OBI1: variants seen among roughly 807,000 people sequenced by gnomAD.
OBI1 encodes the protein ring finger protein 219.
OBI1 carries 59 observed loss-of-function variants against 62.4 expected under a neutral mutation model. That is an observed-to-expected ratio of 0.95 (90% CI 0.77 to 1.17). The LOEUF is 1.17. Ranked by LOEUF, OBI1 falls within the 50% of genes most tolerant of loss-of-function variation. The pLI, the probability that OBI1 is intolerant of heterozygous loss-of-function variation, is 0.00. For synonymous variants in OBI1, 302 were observed against 292.8 expected (o/e 1.03, Z -0.32); for missense variants, 875 against 830.9 (o/e 1.05, Z -0.65).
chr13:78,616,194 T>C lies in OBI1; in HGVS notation c.1567A>G (p.Arg523Gly), dbSNP rs750909505. 2 of 1,614,050 alleles carry C rather than the reference T, an allele frequency of 1.2e-6. No homozygotes were observed. Among genetic ancestry groups the C allele is most frequent in the Non-Finnish European group, 1.7e-6 (2 of 1,180,030 alleles). Residue 523 changes from arginine (R) to glycine (G), a missense_variant, in exon 6 of 6, where the codon AGA becomes GGA. Transcript: ENST00000282003. ...TCCATCGATGCTTCACTGGATGTTC[T>C]TGTCCGGTTCATTTCAAAAGAGCGA... Reference protein sequence around the residue: ...SIRSFEMNRTRTSSEASMDAA... With the variant: ...SIRSFEMNRTGTSSEASMDAA...
rs765810130 is a variant in OBI1 at position 78,639,068 on chromosome 13, C to T, written c.304G>A (p.Glu102Lys). ...LELLHKEYEDEIDCLQKEVEE... is the reference protein window; with the variant it reads ...LELLHKEYEDKIDCLQKEVEE... Reference sequence around the variant, plus strand: ...ACTTCTTTCTGTAAACAATCTATTTCGTCCTGAAAAAGCATTGCATAGTCA... The same window carrying T: ...ACTTCTTTCTGTAAACAATCTATTTTGTCCTGAAAAAGCATTGCATAGTCA... Residue 102 changes from glutamate (E) to lysine (K), a missense_variant, in exon 4 of 6, where the codon GAA becomes AAA. Coordinates refer to ENST00000282003, the MANE Select transcript of OBI1 (RefSeq NM_024546.4). The T allele has an allele frequency of 2.1e-5, 34 of 1,611,282 alleles. No individual in the cohort carries two copies. Among genetic ancestry groups the T allele is most frequent in the Middle Eastern group, 1.6e-4 (1 of 6,070 alleles).
At position 78,644,871 on chromosome 13, in the gene OBI1, C is replaced by A. The variant is rs1477037816; in HGVS notation, c.199G>T (p.Glu67Ter). The A allele has an allele frequency of 2.5e-6, 4 of 1,613,960 alleles. No homozygotes were observed. Among genetic ancestry groups the A allele is most frequent in the Non-Finnish European group, 3.4e-6 (4 of 1,179,892 alleles). ...TAAAACAGGCCCTTACCTATAATTTCTTTGCAAGGATTTTCAGGAGTGATG... is the reference window on the plus strand; with the variant it reads ...TAAAACAGGCCCTTACCTATAATTTATTTGCAAGGATTTTCAGGAGTGATG... ...VPITPENPCKEIIGGTSESEP... is the reference protein window; with the variant it reads ...VPITPENPCK Residue 67 changes from glutamate to a stop codon, truncating the protein, a stop_gained, in exon 2 of 6, where the codon GAA (glutamate) becomes TAA (stop). Transcript: ENST00000282003. LOFTEE classifies it high-confidence loss of function.
intron 2 of OBI1, among the ~76,000 whole-genome samples, chr13:78,642,418 C>G (rs1367616223): frequency 6.6e-6 from 1 of 152,072 alleles, no homozygotes; most frequent in Non-Finnish European, 1.5e-5. Flanking sequence ...TAAGAAATAC[C>G]TTCAGTAACA....
chr13:78,656,643 T>C (rs1174157018), intron 1 of OBI1, among the ~76,000 whole-genome samples: 1 of 129,730 alleles, frequency 7.7e-6, no homozygotes, highest in Non-Finnish European at 1.6e-5. Flanking sequence ...GTATGAGTGG[T>C]AAGTGGTAGA....
Position 78,645,388 on chromosome 13 carries a change from C to A in OBI1, c.73-391G>T, listed in dbSNP as rs183454709. On this transcript the variant is annotated intron_variant, in intron 1 of 5. Coordinates refer to ENST00000282003, the MANE Select transcript of OBI1 (RefSeq NM_024546.4). Reference sequence around the variant, plus strand: ...AATATCATTTAGCACAATCATCCATCTGATGCCCGAATCCTTTTCTCAATT... The same window carrying A: ...AATATCATTTAGCACAATCATCCATATGATGCCCGAATCCTTTTCTCAATT... Among the ~76,000 whole-genome samples the A allele has an allele frequency of 3.2e-3, 486 of 152,340 alleles. 2 individuals carry two copies. Among genetic ancestry groups the A allele is most frequent in the Non-Finnish European group, 4.5e-3 (309 of 68,028 alleles).
rs1434085221 is a variant in OBI1, at chr13:78,615,548, G to C, written c.*32C>G. The C allele has an allele frequency of 1.3e-6, 2 of 1,488,616 alleles. No individual in the cohort carries two copies. Among genetic ancestry groups the C allele is most frequent in the Admixed American group, 2.2e-5 (1 of 45,984 alleles). The allele number at this position is 1,488,616 out of a possible 1,614,324, so 92.2% of individuals were successfully genotyped here. ...TTAACAACTTTTCTATTTCTCTCAG[G>C]ACAAAACCACAAATGACACCTTTCT... On this transcript the variant is annotated 3_prime_UTR_variant, in exon 6 of 6. Transcript: ENST00000282003.
intron 5 of OBI1, among the ~76,000 whole-genome samples, chr13:78,619,871 C>T (rs769312550): frequency 1.2e-4 from 19 of 152,144 alleles, no homozygotes; most frequent in Non-Finnish European, 1.9e-4. Context: ...AGGGTTGACA[C>T]CACAGGATAA....
intron 5 of OBI1, among the ~76,000 whole-genome samples, chr13:78,625,214 A>G (rs1875631098): frequency 6.6e-6 from 1 of 152,212 alleles, no homozygotes; most frequent in African/African-American, 2.4e-5. Flanking sequence ...AGAGAAATTA[A>G]AGGACTTACA....
intron 1 of OBI1, among the ~76,000 whole-genome samples, chr13:78,651,419 T>C (rs998764344): frequency 3.3e-5 from 5 of 152,198 alleles, no homozygotes; most frequent in Non-Finnish European, 7.3e-5. Flanking sequence ...ATAATCTAAT[T>C]CTTAAACAGC....
chr13:78,619,329 ATTT>A (rs10710481), intron 5 of OBI1, among the ~76,000 whole-genome samples: 10 of 148,512 alleles, frequency 6.7e-5, no homozygotes, highest in African/African-American at 2.0e-4. Context: ...CTCTCTATAT[ATTT>A]TTTTTTTTTA....
At chr13:78,652,142 G>A (rs1020025598) in intron 1 of OBI1, among the ~76,000 whole-genome samples, 53 of 152,232 alleles carry the variant, frequency 3.5e-4, no homozygotes, top group Non-Finnish European at 2.4e-4. Flanking sequence ...TCGGAAACAG[G>A]TGACTAATTC....
intron 3 of OBI1, among the ~76,000 whole-genome samples, chr13:78,640,453 T>C (rs1876179110): frequency 1.3e-5 from 2 of 152,170 alleles, no homozygotes; most frequent in Non-Finnish European, 2.9e-5. Context: ...ATTTTTTTAA[T>C]TTTCAATCTT....
intron 1 of OBI1, among the ~76,000 whole-genome samples, chr13:78,653,528 T>C (rs756510035): frequency 6.6e-6 from 1 of 152,248 alleles, no homozygotes; most frequent in Non-Finnish European, 1.5e-5. Context: ...TCAATGTGAT[T>C]CAACTGCAAA....
chr13:78,630,511 TC>T (rs1173622119), intron 5 of OBI1, among the ~76,000 whole-genome samples: 4 of 152,132 alleles, frequency 2.6e-5, no homozygotes, highest in African/African-American at 9.7e-5. Flanking sequence ...TGAAACCTAA[TC>T]CCTAAAGTGA....
chr13:78,651,004 C>G (rs952976644), intron 1 of OBI1, among the ~76,000 whole-genome samples: 2 of 152,106 alleles, frequency 1.3e-5, no homozygotes, highest in Non-Finnish European at 2.9e-5. Context: ...GTCTAAGAAG[C>G]CACAGATTTG....
intron 4 of OBI1, among the ~76,000 whole-genome samples, chr13:78,636,199 G>A (rs986653213): frequency 1.3e-5 from 2 of 152,090 alleles, no homozygotes; most frequent in African/African-American, 4.8e-5. Context: ...AAAATCTAGA[G>A]GCTCAACACT....
chr13:78,642,433 A>G (rs368031314), intron 2 of OBI1, among the ~76,000 whole-genome samples: 4 of 152,334 alleles, frequency 2.6e-5, no homozygotes, highest in East Asian at 3.9e-4. Context: ...GTAACACATC[A>G]TATTGTATTT....
chr13:78,628,944 A>G (rs565673314), intron 5 of OBI1, among the ~76,000 whole-genome samples: 1 of 151,982 alleles, frequency 6.6e-6, no homozygotes, highest in Non-Finnish European at 1.5e-5. Context: ...ATAATCTCTG[A>G]CACATAGGCA....
At chr13:78,653,677 G>C (rs186019473) in intron 1 of OBI1, among the ~76,000 whole-genome samples, 4 of 152,288 alleles carry the variant, frequency 2.6e-5, no homozygotes, top group African/African-American at 7.2e-5. Flanking sequence ...TGATGGGAGT[G>C]AAGACGGTAT....
Sources: gnomAD v4.1 joint callset for allele counts (sites outside exome capture counted in the v4.1 genomes callset) on GRCh38, gnomAD v4.1.1 for gene constraint, MANE v1.5 for transcripts, NCBI Gene and HGNC (gene_info 2026-07-23, HGNC 2026-07-21) for gene names.